FSAF1: variants seen among roughly 807,000 people sequenced by gnomAD.
FSAF1 encodes 40S small subunit processome assembly factor 1.
chr1:231,240,139 C>G, the FSAF1 span, among the ~76,000 whole-genome samples: 1 of 152,160 alleles, frequency 6.6e-6, no homozygotes. This position sits in a 1 kb window ranked among gnomAD's most constrained non-coding sequence, Gnocchi z 4.1. Context: ...GTACTTGTTT[C>G]TACATCTGCA....
chr1:231,238,552 T>C, the FSAF1 span: 2 of 237,458 alleles, frequency 8.4e-6, no homozygotes, highest in South Asian at 1.3e-4. Flanking sequence ...CAGAGTGTTT[T>C]TGCATACCTG....
the FSAF1 span, among the ~76,000 whole-genome samples, chr1:231,228,172 TTCTTG>T: frequency 6.6e-6 from 1 of 150,622 alleles, no homozygotes; most frequent in African/African-American, 2.4e-5. Context: ...GAATTACTTT[TTCTTG>T]TCTTTTTTCT....
chr1:231,227,152 A>C, the FSAF1 span: 1 of 1,376,280 alleles, frequency 7.3e-7, no homozygotes. Context: ...AATGCATTTC[A>C]GATCCACCGC....
the FSAF1 span, among the ~76,000 whole-genome samples, chr1:231,230,460 G>T: frequency 9.2e-4 from 140 of 152,242 alleles, no homozygotes; most frequent in African/African-American, 3.2e-3. Flanking sequence ...AGAAAATGAT[G>T]TTGCTGCAAA....
At chr1:231,226,602 G>A in the FSAF1 span, 10 of 799,098 alleles carry the variant, frequency 1.3e-5, no homozygotes, top group African/African-American at 3.4e-5. Context: ...GAGCTAACTC[G>A]AAGAAATGGG....
chr1:231,240,707 C>T, the FSAF1 span, among the ~76,000 whole-genome samples: 1 of 152,112 alleles, frequency 6.6e-6, no homozygotes, highest in South Asian at 2.1e-4. The surrounding 1 kb of genome is among the most constrained non-coding windows in gnomAD (Gnocchi z 4.1). Context: ...GGAAAGGGGA[C>T]TTCCCAGGGC....
the FSAF1 span, chr1:231,224,053 C>T: frequency 2.5e-6 from 1 of 407,710 alleles, no homozygotes; most frequent in African/African-American, 2.0e-5. Context: ...AATCACTTTT[C>T]AGTGGGTTCA....
the FSAF1 span, chr1:231,224,165 A>C: frequency 8.1e-7 from 1 of 1,241,820 alleles, no homozygotes; most frequent in East Asian, 2.6e-5. Context: ...TTCTAAAATG[A>C]AAAAGCAGTC....
chr1:231,238,928 G>A, the FSAF1 span: 1 of 1,614,106 alleles, frequency 6.2e-7, no homozygotes, highest in Non-Finnish European at 8.5e-7. Context: ...ACTTCTACTT[G>A]TTCCCTATTG....
At chr1:231,239,145 T>C in the FSAF1 span, 1 of 1,599,794 alleles carries the variant, frequency 6.3e-7, no homozygotes, top group Non-Finnish European at 8.5e-7. Flanking sequence ...TGTTTTCCCT[T>C]TTCTTTATGA....
the FSAF1 span, chr1:231,238,246 G>C: frequency 6.6e-6 from 1 of 152,046 alleles, no homozygotes; most frequent in African/African-American, 2.4e-5. Context: ...CTGAATTTTA[G>C]GTGAGATTTA....
chr1:231,230,007 T>G, the FSAF1 span, among the ~76,000 whole-genome samples: 4 of 152,178 alleles, frequency 2.6e-5, no homozygotes, highest in African/African-American at 9.7e-5. Flanking sequence ...TTTACATTCA[T>G]GTATATTTTA....
the FSAF1 span, chr1:231,225,550 C>T: frequency 1.3e-6 from 2 of 1,591,272 alleles, no homozygotes; most frequent in East Asian, 2.2e-5. Context: ...AGATCATATA[C>T]ATATTAGTAG....
chr1:231,237,547 G>C, the FSAF1 span: 4 of 152,264 alleles, frequency 2.6e-5, no homozygotes, highest in African/African-American at 9.7e-5. Context: ...CATTAAGACG[G>C]AGGCAGAGAT....
the FSAF1 span, chr1:231,224,634 C>T: frequency 2.0e-6 from 1 of 494,026 alleles, no homozygotes; most frequent in Non-Finnish European, 3.5e-6. Flanking sequence ...TGTTCTGCTA[C>T]CAGCTCTTTC....
the FSAF1 span, among the ~76,000 whole-genome samples, chr1:231,239,732 C>T: frequency 4.6e-5 from 7 of 152,332 alleles, no homozygotes; most frequent in African/African-American, 1.7e-4. Flanking sequence ...GGCATCCTTA[C>T]TCACATGTAT....
the FSAF1 span, chr1:231,224,401 T>G: frequency 6.2e-7 from 1 of 1,602,010 alleles, no homozygotes; most frequent in East Asian, 2.2e-5. Flanking sequence ...GGAGCGGACT[T>G]CTTTTTGGAT....
the FSAF1 span, among the ~76,000 whole-genome samples, chr1:231,236,416 T>C: frequency 1.3e-5 from 2 of 151,346 alleles, no homozygotes; most frequent in Non-Finnish European, 2.9e-5. Context: ...CAATGACAAA[T>C]GAAAATTTTC....
chr1:231,231,211 C>T, the FSAF1 span, among the ~76,000 whole-genome samples: 1 of 152,206 alleles, frequency 6.6e-6, no homozygotes, highest in Non-Finnish European at 1.5e-5. Context: ...TCTGTGTGCG[C>T]CACTTCCATT....
Sources: gnomAD v4.1 joint callset for allele counts (sites outside exome capture counted in the v4.1 genomes callset) on GRCh38, gnomAD v4.1.1 for gene constraint, Gnocchi (gnomAD v3.1) non-coding constraint, MANE v1.5 for transcripts, NCBI Gene and HGNC (gene_info 2026-07-23, HGNC 2026-07-21) for gene names.